Variants in FAT4 observed in about 807,000 individuals in gnomAD.
FAT4 encodes protocadherin Fat 4.
In FAT4, 84 loss-of-function variants were observed where a neutral mutation model predicts 303.9. The observed-to-expected ratio is 0.28, with a 90% CI of 0.23 to 0.33. The LOEUF is 0.33. Among genes scored for constraint, FAT4 ranks in the 10% least tolerant of loss-of-function variants. The pLI is 1.00. For synonymous variants in FAT4, 2,307 were observed against 2,298.8 expected, an observed-to-expected ratio of 1.00 and a Z score of -0.10; for missense variants, 6,005 against 6,146.8, an observed-to-expected ratio of 0.98 and a Z score of 0.77.
At chr4:125,329,006 A>T (rs766405991) in intron 2 of FAT4, among the ~76,000 whole-genome samples, 26 of 152,206 alleles carry the variant, frequency 1.7e-4, no homozygotes, top group Non-Finnish European at 3.8e-4. Context: ...AATTTTGGTG[A>T]TGAACCAGTA....
rs1560627232 is a variant in FAT4 at position 125,468,795 on chromosome 4, T to C, written c.12189T>C (p.Thr4063=). The C allele has an allele frequency of 6.2e-7, 1 of 1,611,810 alleles. No individual in the cohort carries two copies. The change falls in exon 12 of 18, where the codon ACT becomes ACC. Residue 4063 remains threonine (T), a synonymous_variant. Coordinates refer to ENST00000394329, the MANE Select transcript of FAT4 (RefSeq NM_001291303.3). ...AGGTGTCAGATGGACATTTTCACAC[T>C]GTGATTGCCAGGAGAGCAGGAATGG... ...MKKVSDGHFH[T]VIARRAGMAA...
chr4:125,370,402 C>T (rs1490725897), intron 2 of FAT4, among the ~76,000 whole-genome samples: 3 of 152,066 alleles, frequency 2.0e-5, no homozygotes, highest in South Asian at 2.1e-4. Flanking sequence ...CAGCACCTAA[C>T]AACATGAGGG....
chr4:125,431,301 C>A (rs949781300), intron 7 of FAT4, among the ~76,000 whole-genome samples: 1 of 152,150 alleles, frequency 6.6e-6, no homozygotes, highest in Non-Finnish European at 1.5e-5. Flanking sequence ...TAAAATACCA[C>A]ATTTAAAAAT....
chr4:125,348,193 C>G (rs544511703), intron 2 of FAT4, among the ~76,000 whole-genome samples: 2 of 151,754 alleles, frequency 1.3e-5, no homozygotes, highest in South Asian at 4.2e-4. Flanking sequence ...GTTAATGTAC[C>G]AAAACACCTA....
chr4:125,349,495 C>A (rs944284928), intron 2 of FAT4, among the ~76,000 whole-genome samples: 1 of 151,636 alleles, frequency 6.6e-6, no homozygotes, highest in African/African-American at 2.4e-5. Flanking sequence ...CTCATTCACC[C>A]TAAATGGTCC....
At chr4:125,417,135 C>T (rs1026307222) in intron 7 of FAT4, among the ~76,000 whole-genome samples, 5 of 152,094 alleles carry the variant, frequency 3.3e-5, no homozygotes, top group African/African-American at 1.2e-4. Context: ...TTAAGGACAT[C>T]GCCACCTAAG....
At chr4:125,398,959 G>A (rs1254603771) in intron 3 of FAT4, 44 bp downstream of exon 3, 1 of 1,597,340 alleles carries the variant, frequency 6.3e-7, no homozygotes, top group Admixed American at 1.7e-5. Context: ...TCGTAGTGCA[G>A]TGATTTATCA....
intron 2 of FAT4, among the ~76,000 whole-genome samples, chr4:125,326,285 A>G (rs1276721772): frequency 6.6e-6 from 1 of 151,910 alleles, no homozygotes; most frequent in Non-Finnish European, 1.5e-5. Flanking sequence ...TTTCTTTCAC[A>G]GGGTTTTGAA....
At chr4:125,361,584 C>T (rs1578559521) in intron 2 of FAT4, among the ~76,000 whole-genome samples, 1 of 152,082 alleles carries the variant, frequency 6.6e-6, no homozygotes, top group Admixed American at 6.6e-5. Context: ...AATACATATG[C>T]CCTAACAGGG....
chr4:125,323,511 T>A lies in FAT4; in HGVS notation c.5175+1925T>A, dbSNP rs141000053. ...TCTGGGGAGAATTCAATGTGATGAT[T>A]TTTTTAATTAAAAAAAAGTCAGCAT... On this transcript the variant is annotated intron_variant, in intron 2 of 17. Coordinates refer to ENST00000394329, the MANE Select transcript of FAT4 (RefSeq NM_001291303.3). Among the ~76,000 whole-genome samples, 937 of 152,190 alleles carry A rather than the reference T, an allele frequency of 6.2e-3. 5 individuals carry two copies. The highest frequency in any genetic ancestry group is 9.8e-3 in the Non-Finnish European group (664 of 68,014).
Position 125,452,325 on chromosome 4 carries a change from A to G in FAT4, c.11315A>G (p.His3772Arg), listed in dbSNP as rs1446862683. The G allele has an allele frequency of 1.9e-6, 3 of 1,614,230 alleles. No individual in the cohort carries two copies. The highest frequency in any genetic ancestry group is 2.5e-6 in the Non-Finnish European group (3 of 1,180,032). ...CTTTTGGCAGCTGTGAAGCGAAATCATAATCAGTATGTGAATCCCAGTGGC... is the reference window on the plus strand; with the variant it reads ...CTTTTGGCAGCTGTGAAGCGAAATCGTAATCAGTATGTGAATCCCAGTGGC... ...TFLLAAVKRNHNQYVNPSGVA... is the reference protein window; with the variant it reads ...TFLLAAVKRNRNQYVNPSGVA... The change falls in exon 10 of 18, where the codon CAT (histidine) becomes CGT (arginine). Residue 3772 changes from histidine (H) to arginine (R), a missense_variant. By Grantham distance (29) the His-to-Arg change is conservative (BLOSUM62 0). Transcript: ENST00000394329.
intron 15 of FAT4, among the ~76,000 whole-genome samples, chr4:125,480,068 C>T (rs1015119103): frequency 1.2e-4 from 18 of 152,044 alleles, no homozygotes; most frequent in South Asian, 4.2e-4. Context: ...TTTAAAAAAT[C>T]GTTTACTAAC....
chr4:125,450,025 C>G lies in FAT4; in HGVS notation c.9015C>G (p.Ile3005Met). ...TKNVKVGTKL[I>M]RVTAIDDKDF... Reference sequence around the variant, plus strand: ...ATGTTAAGGTTGGTACGAAGTTAATCAGAGTTACAGCAATAGATGACAAAG... The same window carrying G: ...ATGTTAAGGTTGGTACGAAGTTAATGAGAGTTACAGCAATAGATGACAAAG... Residue 3005 changes from isoleucine to methionine, a missense_variant, in exon 10 of 18, where the codon ATC becomes ATG. Physicochemically the swap from Ile to Met is conservative, Grantham distance 10. Transcript: ENST00000394329. 1 of 1,613,904 alleles carries G rather than the reference C, an allele frequency of 6.2e-7. No homozygotes were observed. Among genetic ancestry groups the G allele is most frequent in the Non-Finnish European group, 8.5e-7 (1 of 1,179,954 alleles).
At chr4:125,340,409 A>T (rs1341831779) in intron 2 of FAT4, among the ~76,000 whole-genome samples, 1 of 150,624 alleles carries the variant, frequency 6.6e-6, no homozygotes, top group Non-Finnish European at 1.5e-5. Context: ...TTTGAGACGG[A>T]GCCTCGCTCT....
chr4:125,462,939 T>C (rs887265622), intron 10 of FAT4, among the ~76,000 whole-genome samples: 1 of 151,974 alleles, frequency 6.6e-6, no homozygotes, highest in African/African-American at 2.4e-5. Flanking sequence ...ATGAGAAAAG[T>C]CTTTATAAAC....
intron 2 of FAT4, among the ~76,000 whole-genome samples, chr4:125,369,210 T>C (rs1023771341): frequency 6.6e-6 from 1 of 152,132 alleles, no homozygotes; most frequent in Non-Finnish European, 1.5e-5. Context: ...TAACATAAAA[T>C]CAGCAGACCT....
At chr4:125,433,637 A>G (rs1010135175) in intron 7 of FAT4, among the ~76,000 whole-genome samples, 3 of 152,218 alleles carry the variant, frequency 2.0e-5, no homozygotes, top group African/African-American at 7.2e-5. Flanking sequence ...ATTGAATTTT[A>G]AGTAGAAGCA....
chr4:125,392,295 T>C (rs1734005047), intron 2 of FAT4, among the ~76,000 whole-genome samples: 1 of 152,118 alleles, frequency 6.6e-6, no homozygotes, highest in African/African-American at 2.4e-5. Context: ...CAATATTACA[T>C]GAGACAATTA....
intron 2 of FAT4, among the ~76,000 whole-genome samples, chr4:125,379,822 TA>T (rs71585407): frequency 0.28 from 41,724 of 148,134 alleles, 6,774 homozygotes; most frequent in Non-Finnish European, 0.37. Flanking sequence ...TTGTATATTC[TA>T]AAAAAAAAAA....
Sources: allele counts gnomAD v4.1 joint callset (sites outside exome capture counted in the v4.1 genomes callset), GRCh38; gene constraint gnomAD v4.1.1; transcripts MANE v1.5; gene names NCBI Gene and HGNC (gene_info 2026-07-23, HGNC 2026-07-21).